ST7L: variants seen among roughly 807,000 people sequenced by gnomAD.
The protein encoded by ST7L is suppressor of tumorigenicity 7 protein-like.
In ST7L, 57 loss-of-function variants were observed where a neutral mutation model predicts 72.5. That is an observed-to-expected ratio of 0.79 (90% CI 0.64 to 0.98). The LOEUF is 0.98. ST7L is among the 50% of genes least tolerant of loss of function. The pLI is 0.00. For missense variants in ST7L, 576 were observed against 672.2 expected (o/e 0.86, Z 1.58); for synonymous variants, 221 against 240.9 (o/e 0.92, Z 0.77).
At chr1:112,534,164 A>T (rs1570874172) in intron 14 of ST7L, among the ~76,000 whole-genome samples, 1 of 152,174 alleles carries the variant, frequency 6.6e-6, no homozygotes, top group East Asian at 1.9e-4. Context: ...CTCCAAATTT[A>T]ACTCTTTTAG....
Position 112,558,849 on chromosome 1 carries a change from C to T in ST7L, c.1246-2831G>A, listed in dbSNP as rs778962200. 2.6e-5 allele frequency among the ~76,000 whole-genome samples: 4 copies of T among 152,122 alleles called. No homozygotes were observed. The East Asian group carries it at 5.8e-4, about 22-fold the overall frequency. On this transcript the variant is annotated intron_variant, in intron 11 of 14. Transcript: ENST00000358039. ...ACAGTAAAAGATCACTCGCACCAGG[C>T]GGCTGTGGGAAAATGGACTCAAATA...
At chr1:112,549,336 T>G (rs567258569) in intron 13 of ST7L, among the ~76,000 whole-genome samples, 136 of 152,274 alleles carry the variant, frequency 8.9e-4, no homozygotes, top group African/African-American at 3.2e-3. Flanking sequence ...GAGGTTGTAG[T>G]GAGCTGAGAT....
chr1:112,608,371 G>T (rs186981014), intron 3 of ST7L, among the ~76,000 whole-genome samples: 2 of 151,722 alleles, frequency 1.3e-5, no homozygotes, highest in Non-Finnish European at 2.9e-5. Context: ...TATATTTTGC[G>T]GCCCTCCCTC....
At chr1:112,566,297 C>CTTTT (rs71084471) in intron 11 of ST7L, among the ~76,000 whole-genome samples, 17 of 105,900 alleles carry the variant, frequency 1.6e-4, no homozygotes, top group Admixed American at 3.7e-4. Flanking sequence ...TCTTCTTCTT[C>CTTTT]TTTTTTTTTT....
chr1:112,598,084 T>G lies in ST7L; in HGVS notation c.509A>C (p.Tyr170Ser), dbSNP rs765288774. ...TGGCTCTTTACCAGTCACCCAAGTGTATCTTTACCAAAACACAACAAAATA... is the reference window on the plus strand; with the variant it reads ...TGGCTCTTTACCAGTCACCCAAGTGGATCTTTACCAAAACACAACAAAATA... ...NLFRGAEYRR[Y>S]TWVTGKEPLT... Residue 170 changes from tyrosine (Y) to serine (S), a missense_variant and splice_region_variant, in exon 5 of 15, where the codon TAC becomes TCC. Around this residue, in one of 3 missense-constraint regions of ST7L, gnomAD observed 511 missense variants for 600.7 expected, o/e 0.85. Coordinates refer to ENST00000358039, the MANE Select transcript of ST7L (RefSeq NM_017744.5). 6.2e-7 allele frequency: 1 copy of G among 1,608,086 alleles called. No homozygotes were observed. Among genetic ancestry groups the G allele is most frequent in the Non-Finnish European group, 8.5e-7 (1 of 1,176,744 alleles).
downstream of ST7L, chr1:112,522,958 G>C (rs1478853212): frequency 6.6e-6 from 1 of 152,178 alleles, no homozygotes; most frequent in Non-Finnish European, 1.5e-5. Flanking sequence ...AGGTAAGGGG[G>C]TCATGGTCAG....
chr1:112,557,339 A>G (rs184829761), intron 11 of ST7L, among the ~76,000 whole-genome samples: 1 of 152,258 alleles, frequency 6.6e-6, no homozygotes, highest in African/African-American at 2.4e-5. Context: ...TACAAATGGA[A>G]TCATTTTGTG....
chr1:112,558,737 T>C (rs943976262), intron 11 of ST7L, among the ~76,000 whole-genome samples: 4 of 152,344 alleles, frequency 2.6e-5, no homozygotes, highest in Middle Eastern at 3.4e-3. Context: ...CCTGGTTGGG[T>C]TCTCTCCCCT....
chr1:112,612,111 A>C (rs1669161563), intron 2 of ST7L, among the ~76,000 whole-genome samples: 1 of 151,954 alleles, frequency 6.6e-6, no homozygotes, highest in Admixed American at 6.6e-5. Flanking sequence ...TTTTTTTAAA[A>C]TGTTTTGAGA....
At chr1:112,571,026 T>C (rs887568939) in intron 11 of ST7L, among the ~76,000 whole-genome samples, 2 of 152,034 alleles carry the variant, frequency 1.3e-5, no homozygotes, top group Non-Finnish European at 2.9e-5. Context: ...AAAAATTAGC[T>C]GCACGTGGTG....
rs1346943447 is a variant in ST7L at position 112,611,117 on chromosome 1, C to T, written c.289-114G>A. On this transcript the variant is annotated intron_variant, in intron 2 of 14. Coordinates refer to ENST00000358039, the MANE Select transcript of ST7L (RefSeq NM_017744.5). Reference sequence around the variant, plus strand: ...AATTCAGCATTTTAAATGCACTCTCCTTTCAAAAAGAAAAAAACATACAAA... The same window carrying T: ...AATTCAGCATTTTAAATGCACTCTCTTTTCAAAAAGAAAAAAACATACAAA... 11 of 988,748 alleles carry T rather than the reference C, an allele frequency of 1.1e-5. No individual in the cohort carries two copies. In the Admixed American group the frequency reaches 2.7e-4, roughly 24 times the overall value. The allele number at this position is 988,748 out of a possible 1,614,324, so 61.2% of individuals were successfully genotyped here.
At chr1:112,607,981 A>G (rs2101008139) in intron 3 of ST7L, among the ~76,000 whole-genome samples, 1 of 152,226 alleles carries the variant, frequency 6.6e-6, no homozygotes, top group East Asian at 1.9e-4. Context: ...ATCCAGGGAG[A>G]AAAAAATTGA....
intron 9 of ST7L, among the ~76,000 whole-genome samples, chr1:112,578,953 A>G (rs1283479594): frequency 6.6e-6 from 1 of 152,196 alleles, no homozygotes; most frequent in East Asian, 1.9e-4. Flanking sequence ...TTTACCAGCT[A>G]AGCATCTTTG....
chr1:112,559,840 G>A (rs568456724), intron 11 of ST7L, among the ~76,000 whole-genome samples: 21 of 151,830 alleles, frequency 1.4e-4, no homozygotes, highest in Non-Finnish European at 2.6e-4. Context: ...TTAGCCAGGC[G>A]TGGTGGCGGG....
In ST7L at chr1:112,527,972, G is replaced by A. The variant is rs552582692; in HGVS notation, c.1630-1861C>T. 6 of 152,328 alleles carry A rather than the reference G, an allele frequency of 3.9e-5. No individual in the cohort carries two copies. In the East Asian group the frequency reaches 1.2e-3, roughly 29 times the overall value. The allele number at this position is 152,328 out of a possible 1,614,324, so 9.4% of individuals were successfully genotyped here. ...TGTGTGTAATAAGTAGACACAAGAG[G>A]CTGGAGGAAGATGATCATTCCTAGA... On this transcript the variant is annotated intron_variant, in intron 14 of 14. Coordinates refer to ENST00000358039, the MANE Select transcript of ST7L (RefSeq NM_017744.5).
chr1:112,588,276 T>C (rs999314959), intron 6 of ST7L, among the ~76,000 whole-genome samples: 6 of 152,236 alleles, frequency 3.9e-5, no homozygotes, highest in Non-Finnish European at 7.3e-5. Flanking sequence ...TTAGATGCCA[T>C]GTAAAATTTT....
intron 12 of ST7L, 97 bp downstream of exon 12, chr1:112,555,771 C>G: frequency 8.3e-7 from 1 of 1,209,208 alleles, no homozygotes. Context: ...AACGACAAAT[C>G]CTTATGGAAA....
Position 112,584,048 on chromosome 1 carries a change from T to G in ST7L, c.780A>C (p.Ala260=). ...TATAAATTGTTTCTCCTGCCTTGAG[T>G]GCCTGTTTAAATAACCTTTCAGCAT... ...IVDAERLFKQ[A]LKAGETIYRQ... is the part of the protein sequence containing the mutation. The change falls in exon 7 of 15, where the codon GCA becomes GCC. Residue 260 remains alanine (A), a synonymous_variant. Coordinates refer to ENST00000358039, the MANE Select transcript of ST7L (RefSeq NM_017744.5). The G allele has an allele frequency of 6.2e-7, 1 of 1,614,168 alleles. No homozygotes were observed. The highest frequency in any genetic ancestry group is 8.5e-7 in the Non-Finnish European group (1 of 1,180,028).
chr1:112,542,587 TTTTTAAAAA>T (rs1656299731), intron 13 of ST7L, among the ~76,000 whole-genome samples: 1 of 151,892 alleles, frequency 6.6e-6, no homozygotes. Context: ...TGCTTAAAAA[TTTTTAAAAA>T]TTTTAAAAAT....
Sources: allele counts gnomAD v4.1 joint callset (sites outside exome capture counted in the v4.1 genomes callset), GRCh38; gene constraint gnomAD v4.1.1; regional missense constraint gnomAD v4.1.1; transcripts MANE v1.5; gene names NCBI Gene and HGNC (gene_info 2026-07-23, HGNC 2026-07-21).